Variants in MROH2B observed in about 807,000 individuals in gnomAD.
The protein encoded by MROH2B is maestro heat-like repeat-containing protein family member 2B.
A neutral mutation model predicts 208.6 loss-of-function variants in MROH2B; 177 were observed. The observed-to-expected ratio is 0.85, with a 90% CI of 0.75 to 0.96. MROH2B has a LOEUF of 0.96. Among genes scored for constraint, MROH2B ranks in the 40% least tolerant of loss-of-function variants. MROH2B has a pLI of 0.00. For synonymous variants in MROH2B, 728 were observed against 659.0 expected (o/e 1.10, Z -1.60); for missense variants, 2,002 against 1,878.7 (o/e 1.07, Z -1.21).
intron 38 of MROH2B, 108 bp from the exon 39 acceptor site, chr5:41,000,459 T>G: frequency 1.4e-6 from 2 of 1,444,340 alleles, no homozygotes; most frequent in Non-Finnish European, 1.9e-6. Context: ...GTCAGTGGTG[T>G]GAATGGCTTT....
In MROH2B at chr5:41,051,046, C is replaced by T. The variant is rs1743269845; in HGVS notation, c.1275G>A (p.Glu425=). 1.9e-6 allele frequency: 3 copies of T among 1,559,316 alleles called. No individual in the cohort carries two copies. The highest frequency in any genetic ancestry group is 8.6e-7 in the Non-Finnish European group (1 of 1,161,234). The change falls in exon 13 of 42, where the codon GAG becomes GAA. Residue 425 remains glutamate, a synonymous_variant. Coordinates refer to ENST00000399564, the MANE Select transcript of MROH2B (RefSeq NM_173489.5). ...CAAGGCTTGTTTCTCGGACAGATTC[C>T]TCTTCCTTTTCATTCTCATGAAAGT... is the stretch of plus-strand genomic sequence containing the variant. ...KTNFHENEKE[E]ESVRETSLEV... is the part of the protein sequence containing the mutation.
intron 19 of MROH2B, 127 bp from the exon 20 acceptor site, chr5:41,039,682 C>G (rs930987090): frequency 1.7e-6 from 1 of 591,002 alleles, no homozygotes; most frequent in Non-Finnish European, 3.0e-6. Context: ...CAGAACATAC[C>G]AAAGTCCCCA....
At chr5:41,019,086 C>G in intron 24 of MROH2B, 68 bp from the exon 25 acceptor site, 1 of 1,580,650 alleles carries the variant, frequency 6.3e-7, no homozygotes, top group South Asian at 1.1e-5. Context: ...GTGGAATTCC[C>G]AAGAACTGCC....
intron 24 of MROH2B, among the ~76,000 whole-genome samples, chr5:41,020,882 G>A (rs879726539): frequency 7.2e-5 from 11 of 152,128 alleles, no homozygotes; most frequent in Non-Finnish European, 1.5e-4. Flanking sequence ...GTAAGATCAA[G>A]AGTAAGACAA....
intron 18 of MROH2B, 124 bp from the exon 19 acceptor site, chr5:41,042,332 C>T (rs1363193080): frequency 1.8e-6 from 1 of 564,158 alleles, no homozygotes; most frequent in African/African-American, 1.9e-5. Context: ...AACCATGTAC[C>T]TCAAGTATTC....
In MROH2B at chr5:41,047,716, C is replaced by A. The variant is rs1417076272; in HGVS notation, c.1728+5G>T. The A allele has an allele frequency of 1.9e-6, 3 of 1,593,022 alleles. No individual in the cohort carries two copies. The highest frequency in any genetic ancestry group is 2.6e-6 in the Non-Finnish European group (3 of 1,168,866). On this transcript the variant is annotated splice_donor_5th_base_variant and intron_variant, in intron 17 of 41. Transcript: ENST00000399564. ...ATTAAAAATTATTCTAGAAGCCAGCCTTACCTGAAGCAGCATGGTTTCCCA... is the reference window on the plus strand; with the variant it reads ...ATTAAAAATTATTCTAGAAGCCAGCATTACCTGAAGCAGCATGGTTTCCCA...
intron 18 of MROH2B, among the ~76,000 whole-genome samples, chr5:41,043,894 G>T (rs1224474608): frequency 6.6e-6 from 1 of 152,062 alleles, no homozygotes; most frequent in Non-Finnish European, 1.5e-5. Context: ...GCTTGGGCTA[G>T]CTTGCTAGAG....
At chr5:41,025,486 A>G (rs1742321016) in intron 24 of MROH2B, among the ~76,000 whole-genome samples, 1 of 152,198 alleles carries the variant, frequency 6.6e-6, no homozygotes, top group African/African-American at 2.4e-5. Context: ...CAAAACCAGG[A>G]AGAAGTTGAA....
chr5:41,019,955 AT>A lies in MROH2B; in HGVS notation c.2442-938del, dbSNP rs1025860970. Among the ~76,000 whole-genome samples the A allele has an allele frequency of 3.3e-5, 5 of 151,220 alleles. No individual in the cohort carries two copies. The East Asian group carries it at 7.8e-4, about 23-fold the overall frequency. On this transcript the variant is annotated intron_variant, in intron 24 of 41. Coordinates refer to ENST00000399564, the MANE Select transcript of MROH2B (RefSeq NM_173489.5). The stretch of plus-strand genomic sequence containing the variant: ...ATATGGAATCTTTCTATGATACTCT[AT>A]TTTTTTTTCTATGCTCCTTTGCAGG...
intron 28 of MROH2B, among the ~76,000 whole-genome samples, chr5:41,015,695 A>T (rs150936872): frequency 1.3e-5 from 2 of 152,356 alleles, no homozygotes; most frequent in Non-Finnish European, 2.9e-5. Context: ...TATCTGAGGT[A>T]GACTCTCCTG....
intron 28 of MROH2B, among the ~76,000 whole-genome samples, chr5:41,016,480 T>C (rs1308613553): frequency 2.0e-5 from 3 of 151,064 alleles, no homozygotes; most frequent in African/African-American, 7.3e-5. Flanking sequence ...ACTGGCATAT[T>C]TCTGTTACTA....
intron 6 of MROH2B, among the ~76,000 whole-genome samples, chr5:41,060,461 G>C (rs548082784): frequency 2.0e-4 from 31 of 152,066 alleles, no homozygotes; most frequent in African/African-American, 6.0e-4. Context: ...ATTTCTTTCT[G>C]CCTTATATCT....
intron 40 of MROH2B, 25 bp downstream of exon 40, chr5:40,999,652 G>A (rs78370485): frequency 0.011 from 17,242 of 1,581,540 alleles, 129 homozygotes; most frequent in Non-Finnish European, 0.013. Flanking sequence ...ACATATCTGG[G>A]TAGGAAATGG....
Position 41,007,420 on chromosome 5 carries a change from G to T in MROH2B, c.3643C>A (p.Gln1215Lys). ...STATLKCLQA[Q>K]AMREGLAKES... ...TTTGCAAGGCCTTCTCTCATGGCTT[G>T]GGCTTGCAAACATTTTAAAGTAGCA... Residue 1215 changes from glutamine (Q) to lysine (K), a missense_variant, in exon 34 of 42, where the codon CAA (glutamine) becomes AAA (lysine). Coordinates refer to ENST00000399564, the MANE Select transcript of MROH2B (RefSeq NM_173489.5). The T allele has an allele frequency of 6.3e-7, 1 of 1,576,270 alleles. No individual in the cohort carries two copies. Among genetic ancestry groups the T allele is most frequent in the Admixed American group, 1.8e-5 (1 of 54,318 alleles).
At position 41,000,803 on chromosome 5, in the gene MROH2B, A is replaced by C; in HGVS notation, c.4225T>G (p.Phe1409Val). The stretch of plus-strand genomic sequence containing the variant: ...AGGGGTGCCAGGTCCTCAAATAAGA[A>C]GATGGCAGTCAATCTCACATCATCC... ...EQDDVRLTAI[F>V]LFEDLAPLTG... Residue 1409 changes from phenylalanine (F) to valine (V), a missense_variant, in exon 38 of 42, where the codon TTC (phenylalanine) becomes GTC (valine). Transcript: ENST00000399564. 3.1e-6 allele frequency: 5 copies of C among 1,611,756 alleles called. No individual in the cohort carries two copies. The Middle Eastern group carries it at 5.0e-4, about 160-fold the overall frequency.
At chr5:41,069,255 C>T (rs1331555254) in intron 2 of MROH2B, among the ~76,000 whole-genome samples, 1 of 152,096 alleles carries the variant, frequency 6.6e-6, no homozygotes. Context: ...GCAGTTATTT[C>T]TTTTATTTTA....
At chr5:41,048,217 A>G in intron 16 of MROH2B, 107 bp downstream of exon 16, 1 of 1,355,478 alleles carries the variant, frequency 7.4e-7, no homozygotes, top group South Asian at 1.9e-5. Context: ...CAAGTTCATC[A>G]TTTTTATTGC....
In MROH2B at chr5:41,070,887, C is replaced by G. The variant is rs1743968994; in HGVS notation, c.-35G>C. 22 of 1,604,574 alleles carry G rather than the reference C, an allele frequency of 1.4e-5. No homozygotes were observed. The highest frequency in any genetic ancestry group is 1.9e-5 in the Non-Finnish European group (22 of 1,174,598). On this transcript the variant is annotated 5_prime_UTR_variant, in exon 1 of 42. Transcript: ENST00000399564. ...GTTTCAGGGTCTCTAAAAGATAGCA[C>G]CTAAGTATTAGAAATAGTAAGGCTA...
Position 41,057,349 on chromosome 5 carries a change from T to A in MROH2B, c.768A>T (p.Gln256His). 1 of 1,574,560 alleles carries A rather than the reference T, an allele frequency of 6.4e-7. No individual in the cohort carries two copies. Among genetic ancestry groups the A allele is most frequent in the Non-Finnish European group, 8.6e-7 (1 of 1,158,870 alleles). The change falls in exon 8 of 42, where the codon CAA becomes CAT. Residue 256 changes from glutamine (Q) to histidine (H), a missense_variant. Physicochemically the swap from Gln to His is conservative, Grantham distance 24. Transcript: ENST00000399564. ...CATAAAGAACTGCTGCAGTCAGTAT[T>A]TGTTTTAGGCTCTAAAGTGGAAACT... ...IDFHVTQSLKQILTAAVLYDI... is the reference protein window; with the variant it reads ...IDFHVTQSLKHILTAAVLYDI...
Sources: gnomAD v4.1 joint callset for allele counts (sites outside exome capture counted in the v4.1 genomes callset) on GRCh38, gnomAD v4.1.1 for gene constraint, MANE v1.5 for transcripts, NCBI Gene and HGNC (gene_info 2026-07-23, HGNC 2026-07-21) for gene names.